PPME1: variants seen among roughly 807,000 people sequenced by gnomAD.
PPME1 encodes the protein testicular secretory protein Li 39.
A neutral mutation model predicts 56.9 loss-of-function variants in PPME1; 17 were observed. That is an observed-to-expected ratio of 0.30 (90% CI 0.20 to 0.45). The LOEUF is 0.45. Ranked by LOEUF, PPME1 falls within the 20% of genes least tolerant of loss-of-function variation. The pLI, the probability that PPME1 is intolerant of heterozygous loss-of-function variation, is 1.00. For missense variants in PPME1, 357 were observed against 483.2 expected, an observed-to-expected ratio of 0.74 and a Z score of 2.45; for synonymous variants, 122 against 156.2, an observed-to-expected ratio of 0.78 and a Z score of 1.63.
At chr11:74,207,796 G>A (rs1446814167) in intron 3 of PPME1, among the ~76,000 whole-genome samples, 1 of 152,186 alleles carries the variant, frequency 6.6e-6, no homozygotes, top group Non-Finnish European at 1.5e-5. Context: ...ATTAGCACAT[G>A]CAGCTGCAGC....
At chr11:74,184,344 A>T (rs904005585) in intron 1 of PPME1, among the ~76,000 whole-genome samples, 1 of 152,198 alleles carries the variant, frequency 6.6e-6, no homozygotes, top group Admixed American at 6.5e-5. Context: ...TTAGCATATT[A>T]TGGATAAGTA....
intron 4 of PPME1, among the ~76,000 whole-genome samples, chr11:74,224,948 C>T (rs1184833580): frequency 6.6e-6 from 1 of 151,928 alleles, no homozygotes; most frequent in East Asian, 1.9e-4. Context: ...CCTTCTCCTG[C>T]CTAATTGCCC....
At chr11:74,237,957 A>T (rs1406716614) in intron 8 of PPME1, 2 of 152,220 alleles carry the variant, frequency 1.3e-5, no homozygotes, top group Non-Finnish European at 2.9e-5. Flanking sequence ...CATGGCATAT[A>T]TGCAGATAGT....
intron 3 of PPME1, among the ~76,000 whole-genome samples, chr11:74,213,313 A>G (rs1279770340): frequency 1.3e-5 from 2 of 152,240 alleles, no homozygotes; most frequent in Non-Finnish European, 2.9e-5. Context: ...GCTCAGCTGC[A>G]GTATAGTAGA....
chr11:74,251,150 C>T (rs1359675374), intron 12 of PPME1, 132 bp downstream of exon 12: 29 of 1,484,338 alleles, frequency 2.0e-5, no homozygotes, highest in Non-Finnish European at 2.5e-5. Flanking sequence ...GATGCAGTTC[C>T]ACCAGCTCTC....
At chr11:74,250,891 T>C (rs1859640855) in intron 11 of PPME1, 63 bp from the exon 12 acceptor site, 3 of 1,409,700 alleles carry the variant, frequency 2.1e-6, no homozygotes, top group Non-Finnish European at 3.0e-6. Flanking sequence ...GAATGACCTA[T>C]GAGGCTGCAT....
chr11:74,205,792 T>C lies in PPME1; in HGVS notation c.288+1347T>C, dbSNP rs1858312281. 3 of 152,238 alleles carry C rather than the reference T, an allele frequency of 2.0e-5. No homozygotes were observed. The South Asian group carries it at 6.2e-4, about 31-fold the overall frequency. The allele number at this position is 152,238 out of a possible 1,614,324, so 9.4% of individuals were successfully genotyped here. On this transcript the variant is annotated intron_variant, in intron 3 of 13. Transcript: ENST00000328257. Reference sequence around the variant, plus strand: ...CTTACTCTAGGATAAATTGTGTGACTTGTCCATAAGTACCAGGCTCTGTCA... The same window carrying C: ...CTTACTCTAGGATAAATTGTGTGACCTGTCCATAAGTACCAGGCTCTGTCA...
chr11:74,231,460 C>T (rs1042775788), intron 7 of PPME1, among the ~76,000 whole-genome samples: 7 of 152,146 alleles, frequency 4.6e-5, no homozygotes, highest in African/African-American at 1.7e-4. Flanking sequence ...AGGTCAAGCA[C>T]CAAGTTCAAG....
chr11:74,219,737 G>A (rs574626012), intron 3 of PPME1, among the ~76,000 whole-genome samples: 19 of 152,230 alleles, frequency 1.2e-4, no homozygotes, highest in Admixed American at 1.1e-3. Flanking sequence ...CAGAGGCTGG[G>A]AACAGTAGTG....
intron 1 of PPME1, among the ~76,000 whole-genome samples, chr11:74,172,506 G>A (rs1352682011): frequency 6.6e-6 from 1 of 152,208 alleles, no homozygotes; most frequent in Non-Finnish European, 1.5e-5. Context: ...AATTAGTGAA[G>A]CATTGGGAGT....
Position 74,171,348 on chromosome 11 carries a change from G to T in PPME1, c.-74G>T. 1 of 1,533,838 alleles carries T rather than the reference G, an allele frequency of 6.5e-7. No homozygotes were observed. Among genetic ancestry groups the T allele is most frequent in the Non-Finnish European group, 8.8e-7 (1 of 1,137,562 alleles). On this transcript the variant is annotated 5_prime_UTR_variant, in exon 1 of 14. Transcript: ENST00000328257. ...GGGCGTCGTTAGGGGAGCGAGTCGTGACCGGTTGGGCCACACTCAACGTGG... is the reference window on the plus strand; with the variant it reads ...GGGCGTCGTTAGGGGAGCGAGTCGTTACCGGTTGGGCCACACTCAACGTGG...
intron 13 of PPME1, chr11:74,252,406 G>T (rs1859723955): frequency 1.1e-5 from 5 of 454,292 alleles, no homozygotes; most frequent in Non-Finnish European, 2.2e-5. Flanking sequence ...CTAGAGCAGG[G>T]TTTTCTACAG....
chr11:74,172,666 A>G (rs2135585515), intron 1 of PPME1, among the ~76,000 whole-genome samples: 1 of 152,324 alleles, frequency 6.6e-6, no homozygotes, highest in Non-Finnish European at 1.5e-5. Flanking sequence ...ATTGCTGGAA[A>G]GTGGAGAGAA....
chr11:74,209,508 C>G (rs1468367186), intron 3 of PPME1, among the ~76,000 whole-genome samples: 4 of 152,192 alleles, frequency 2.6e-5, no homozygotes, highest in African/African-American at 9.7e-5. Context: ...TTGCTTGACA[C>G]ACATTCACAC....
At chr11:74,250,904 G>A (rs756002333) in intron 11 of PPME1, 50 bp from the exon 12 acceptor site, 10 of 1,485,774 alleles carry the variant, frequency 6.7e-6, no homozygotes, top group Non-Finnish European at 9.2e-6. Context: ...GGCTGCATAA[G>A]AGAGGGCTCT....
intron 1 of PPME1, among the ~76,000 whole-genome samples, chr11:74,190,042 T>A (rs189472639): frequency 1.3e-5 from 2 of 152,270 alleles, no homozygotes; most frequent in Non-Finnish European, 2.9e-5. Context: ...ATGACACAAG[T>A]CAAAACAGAG....
rs1219333789 is a variant in PPME1, at chr11:74,230,552, AT to A, written c.553+158del. Among the ~76,000 whole-genome samples the A allele has an allele frequency of 4.7e-4, 72 of 152,014 alleles. No individual in the cohort carries two copies. Among genetic ancestry groups the A allele is most frequent in the Non-Finnish European group, 8.4e-4 (57 of 67,998 alleles). ...TTTTTTAAGTTTATACAAGATAACC[AT>A]TTTTCCATGTCATCAAAAACTCTTC... is the stretch of plus-strand genomic sequence containing the variant. On this transcript the variant is annotated intron_variant, in intron 6 of 13. Transcript: ENST00000328257. The surrounding 1 kb of genome is among the most constrained non-coding windows in gnomAD (Gnocchi z 4.9).
chr11:74,241,920 A>G (rs912706775), intron 9 of PPME1, among the ~76,000 whole-genome samples: 5 of 152,098 alleles, frequency 3.3e-5, no homozygotes, highest in South Asian at 4.1e-4. Context: ...CTCCCATTCC[A>G]TGGGTTGTCT....
intron 1 of PPME1, among the ~76,000 whole-genome samples, chr11:74,182,647 A>G (rs1390630377): frequency 1.3e-5 from 2 of 152,208 alleles, no homozygotes; most frequent in African/African-American, 2.4e-5. Context: ...TGTCTTAACA[A>G]TGCTGTTGGT....
Sources: gnomAD v4.1 joint callset for allele counts (sites outside exome capture counted in the v4.1 genomes callset) on GRCh38, gnomAD v4.1.1 for gene constraint, Gnocchi (gnomAD v3.1) non-coding constraint, MANE v1.5 for transcripts, NCBI Gene and HGNC (gene_info 2026-07-23, HGNC 2026-07-21) for gene names.